C16orf96: variants seen among roughly 807,000 people sequenced by gnomAD.
C16orf96 encodes the protein uncharacterized protein C16orf96.
C16orf96 carries 108 observed loss-of-function variants against 103.6 expected under a neutral mutation model. That is an observed-to-expected ratio of 1.04 (90% CI 0.89 to 1.22). C16orf96 has a LOEUF of 1.22. C16orf96 is among the 50% of genes most tolerant of loss of function. The pLI is 0.00. For missense variants in C16orf96, 1,586 were observed against 1,464.2 expected (o/e 1.08, Z -1.36); for synonymous variants, 566 against 593.5 (o/e 0.95, Z 0.67).
At position 4,556,617 on chromosome 16, in the gene C16orf96, A is replaced by G. The variant is rs752160487; in HGVS notation, c.128A>G (p.Lys43Arg). The G allele has an allele frequency of 7.7e-6, 12 of 1,551,784 alleles. No homozygotes were observed. The highest frequency in any genetic ancestry group is 1.0e-5 in the Non-Finnish European group (12 of 1,147,024). ...ILEHIHMAEL[K>R]KVLSGDEDFL... ...GAGCACATCCACATGGCCGAGCTCA[A>G]GAAAGTCCTCTCAGGCGATGAGGAC... The change falls in exon 1 of 16, where the codon AAG becomes AGG. Residue 43 changes from lysine (K) to arginine (R), a missense_variant. Coordinates refer to ENST00000444310, the MANE Select transcript of C16orf96 (RefSeq NM_001145011.2).
In C16orf96 at chr16:4,600,363, G is replaced by A. The variant is rs181283127; in HGVS notation, c.*46G>A. On this transcript the variant is annotated 3_prime_UTR_variant, in exon 16 of 16. Transcript: ENST00000444310. ...CCATCGCCAAGTCCCCTCCACGTCC[G>A]AGGCTGAGGCCCATGTGGCCCTCCC... 3.7e-3 allele frequency: 4,959 copies of A among 1,348,868 alleles called. 168 individuals carry two copies. In the African/African-American group the frequency reaches 0.077, roughly 21 times the overall value. The allele number at this position is 1,348,868 out of a possible 1,614,324, so 83.6% of individuals were successfully genotyped here. A position where few individuals can be genotyped will look rare whatever the true frequency, so the allele number is the denominator to read the frequency against.
chr16:4,595,286 C>T (rs563505539), intron 14 of C16orf96, among the ~76,000 whole-genome samples: 5 of 152,254 alleles, frequency 3.3e-5, no homozygotes, highest in South Asian at 4.1e-4. Flanking sequence ...GAGCTCAGGA[C>T]GCCGAGTCTC....
chr16:4,554,380 T>G (rs1388811049), upstream of C16orf96, among the ~76,000 whole-genome samples: 3 of 151,716 alleles, frequency 2.0e-5, no homozygotes, highest in Non-Finnish European at 2.9e-5. Flanking sequence ...AGACAGAGTC[T>G]TGCTCTGTCG....
chr16:4,544,606 C>T, the C16orf96 span, among the ~76,000 whole-genome samples: 3 of 152,242 alleles, frequency 2.0e-5, no homozygotes, highest in Non-Finnish European at 4.4e-5. Flanking sequence ...CTGACCCTGT[C>T]TGAAAAATAG....
chr16:4,563,546 C>G (rs1245700117), intron 1 of C16orf96, among the ~76,000 whole-genome samples: 1 of 151,936 alleles, frequency 6.6e-6, no homozygotes, highest in Non-Finnish European at 1.5e-5. Flanking sequence ...GCCACTGCGC[C>G]CACCCTCTGT....
At chr16:4,598,983 G>T (rs118172753) in intron 14 of C16orf96, among the ~76,000 whole-genome samples, 1 of 151,792 alleles carries the variant, frequency 6.6e-6, no homozygotes, top group African/African-American at 2.4e-5. Flanking sequence ...ACCGGGAGTA[G>T]TGGGGCACAC....
In C16orf96 at chr16:4,586,946, T is replaced by A. The variant is rs192931073; in HGVS notation, c.2353-93T>A. ...TGCTGTCCACACGGCCTGCTATCCC[T>A]CCCCAGCATATGGTAATGGTAGAGG... On this transcript the variant is annotated intron_variant, in intron 7 of 15. Coordinates refer to ENST00000444310, the MANE Select transcript of C16orf96 (RefSeq NM_001145011.2). 4.7e-5 allele frequency: 56 copies of A among 1,196,366 alleles called. No homozygotes were observed. The Admixed American group carries it at 8.5e-4, about 18-fold the overall frequency. The allele number at this position is 1,196,366 out of a possible 1,614,324, so 74.1% of individuals were successfully genotyped here. A position where few individuals can be genotyped will look rare whatever the true frequency, so the allele number is the denominator to read the frequency against.
chr16:4,547,719 T>A, the C16orf96 span, among the ~76,000 whole-genome samples: 5 of 83,164 alleles, frequency 6.0e-5, no homozygotes, highest in Non-Finnish European at 1.5e-4. Flanking sequence ...TTTCTTTCTT[T>A]CTTTCTTTCT....
chr16:4,580,911 G>C lies in C16orf96; in HGVS notation c.2352+786G>C, dbSNP rs561715397. On this transcript the variant is annotated intron_variant, in intron 7 of 15. Transcript: ENST00000444310. ...AGGCTGAGGTGGGCGGATCATCTGA[G>C]ATCGGGAGTTCGAGACCAGCCTGAC... Among the ~76,000 whole-genome samples, 3 of 151,388 alleles carry C rather than the reference G, an allele frequency of 2.0e-5. No homozygotes were observed. The East Asian group carries it at 5.9e-4, about 30-fold the overall frequency.
chr16:4,581,758 G>A (rs145522616), intron 7 of C16orf96, among the ~76,000 whole-genome samples: 2 of 151,996 alleles, frequency 1.3e-5, no homozygotes, highest in South Asian at 4.2e-4. Context: ...AGGAGTTCAA[G>A]ACTTGGCCAA....
intron 7 of C16orf96, among the ~76,000 whole-genome samples, chr16:4,585,298 A>T: frequency 8.8e-6 from 1 of 113,148 alleles, no homozygotes; most frequent in Admixed American, 1.1e-4. Flanking sequence ...CTACAAAAAA[A>T]AAAAAAAAAA....
At position 4,588,204 on chromosome 16, in the gene C16orf96, G is replaced by A. The variant is rs201958538; in HGVS notation, c.2465G>A (p.Arg822His). The change falls in exon 9 of 16, where the codon CGC (arginine) becomes CAC (histidine). Residue 822 changes from arginine (R) to histidine (H), a missense_variant. Physicochemically the swap from Arg to His is conservative, Grantham distance 29 (BLOSUM62 0). Coordinates refer to ENST00000444310, the MANE Select transcript of C16orf96 (RefSeq NM_001145011.2). ...AGTGCCCTGGCAGGCAAGGCAAGCC[G>A]CGTTGACCTGGAGACTGTGGCCTTG... is the stretch of plus-strand genomic sequence containing the variant. Reference protein sequence around the residue: ...DRSALAGKASRVDLETVALEL... With the variant: ...DRSALAGKASHVDLETVALEL... 293 of 1,551,584 alleles carry A rather than the reference G, an allele frequency of 1.9e-4. 2 individuals carry two copies. The highest frequency in any genetic ancestry group is 1.7e-3 in the East Asian group (69 of 40,918).
chr16:4,575,218 G>C lies in C16orf96; in HGVS notation c.738G>C (p.Gln246His), dbSNP rs2059487010. 2 of 1,547,452 alleles carry C rather than the reference G, an allele frequency of 1.3e-6. No individual in the cohort carries two copies. Among genetic ancestry groups the C allele is most frequent in the Non-Finnish European group, 1.7e-6 (2 of 1,146,984 alleles). Residue 246 changes from glutamine (Q) to histidine (H), a missense_variant, in exon 5 of 16, where the codon CAG (glutamine) becomes CAC (histidine). Transcript: ENST00000444310. ...SPLDLWQSVEQLPEAALAQTT... is the reference protein window; with the variant it reads ...SPLDLWQSVEHLPEAALAQTT... ...TGGACCTGTGGCAGTCTGTAGAGCA[G>C]CTCCCAGAGGCTGCCCTGGCCCAGA... is the stretch of plus-strand genomic sequence containing the variant.
the C16orf96 span, among the ~76,000 whole-genome samples, chr16:4,540,012 T>G: frequency 6.6e-6 from 1 of 152,190 alleles, no homozygotes; most frequent in Non-Finnish European, 1.5e-5. Context: ...GAGACTGATT[T>G]GAGTAATGAA....
At chr16:4,570,235 C>A (rs1399790124) in intron 1 of C16orf96, among the ~76,000 whole-genome samples, 1 of 152,144 alleles carries the variant, frequency 6.6e-6, no homozygotes, top group Non-Finnish European at 1.5e-5. Flanking sequence ...GGAATAAATT[C>A]ACTTTCTTTT....
At chr16:4,556,339 C>T (rs1315028525), upstream of C16orf96, 3 of 732,914 alleles carry the variant, frequency 4.1e-6, no homozygotes, top group East Asian at 8.2e-5. Context: ...GAGCTCCAGC[C>T]AGAACAGAGG....
At chr16:4,550,932 C>T in the C16orf96 span, among the ~76,000 whole-genome samples, 1 of 152,196 alleles carries the variant, frequency 6.6e-6, no homozygotes, top group Admixed American at 6.5e-5. Flanking sequence ...CGTTGTTGGC[C>T]TCTTAATTTG....
chr16:4,591,119 G>A (rs1033635774), intron 9 of C16orf96, among the ~76,000 whole-genome samples: 5 of 152,126 alleles, frequency 3.3e-5, no homozygotes, highest in South Asian at 2.1e-4. Context: ...CCCGGGAGGC[G>A]GAGGTTGCAG....
chr16:4,552,501 A>G (rs1293591468), upstream of C16orf96, among the ~76,000 whole-genome samples: 1 of 149,762 alleles, frequency 6.7e-6, no homozygotes, highest in Non-Finnish European at 1.5e-5. Context: ...AAAAAAAAAA[A>G]GAAACGAAAA....
Sources: allele counts gnomAD v4.1 joint callset (sites outside exome capture counted in the v4.1 genomes callset), GRCh38; gene constraint gnomAD v4.1.1; transcripts MANE v1.5; gene names NCBI Gene and HGNC (gene_info 2026-07-23, HGNC 2026-07-21).